Variants in LRRC49 observed in about 807,000 individuals in gnomAD.
LRRC49 encodes leucine-rich repeat-containing protein 49.
LRRC49 carries 50 observed loss-of-function variants against 83.3 expected under a neutral mutation model. That is an observed-to-expected ratio of 0.60 (90% CI 0.48 to 0.76). The LOEUF is 0.76. Among genes scored for constraint, LRRC49 ranks in the 30% least tolerant of loss-of-function variants. The pLI, the probability that LRRC49 is intolerant of heterozygous loss-of-function variation, is 0.00. For synonymous variants in LRRC49, 286 were observed against 283.3 expected (o/e 1.01, Z -0.10); for missense variants, 704 against 809.1 (o/e 0.87, Z 1.58).
rs765072467 is a variant in LRRC49 at position 71,050,635 on chromosome 15, C to T, written c.*1023C>T. The stretch of plus-strand genomic sequence containing the variant: ...GCAGGACCACCAGGATATGGGAAAA[C>T]AGGACTAGAAGATGTACGACAGCAA... On this transcript the variant is annotated 3_prime_UTR_variant, in exon 16 of 16. Coordinates refer to ENST00000260382, the MANE Select transcript of LRRC49 (RefSeq NM_017691.5). The T allele has an allele frequency of 3.3e-5, 5 of 151,966 alleles. No individual in the cohort carries two copies. The highest frequency in any genetic ancestry group is 7.4e-5 in the Non-Finnish European group (5 of 67,982). The allele number at this position is 151,966 out of a possible 1,614,324, so 9.4% of individuals were successfully genotyped here.
intron 2 of LRRC49, chr15:70,895,445 G>A (rs1528827): frequency 0.44 from 67,544 of 153,850 alleles, 15,284 homozygotes; most frequent in East Asian, 0.6. Context: ...TGGTGAGAGC[G>A]TGGAGGGATT....
intron 4 of LRRC49, among the ~76,000 whole-genome samples, chr15:70,902,107 G>A (rs1026258834): frequency 6.6e-6 from 1 of 152,094 alleles, no homozygotes; most frequent in South Asian, 2.1e-4. Context: ...ACATCTTTGC[G>A]GTATAAGTGG....
intron 11 of LRRC49, among the ~76,000 whole-genome samples, chr15:71,000,839 A>AT (rs1163496140): frequency 2.0e-5 from 3 of 149,084 alleles, no homozygotes; most frequent in African/African-American, 4.9e-5. Context: ...GTAGCCTTTG[A>AT]TTTTTTTCTT....
intron 14 of LRRC49, among the ~76,000 whole-genome samples, chr15:71,033,241 A>G (rs2039414820): frequency 6.6e-6 from 1 of 152,190 alleles, no homozygotes; most frequent in African/African-American, 2.4e-5. Flanking sequence ...GACCCAAATC[A>G]TGAATGGACT....
rs373820806 is a variant in LRRC49 at position 70,990,308 on chromosome 15, C to T, written c.1169+6051C>T. Among the ~76,000 whole-genome samples, 9 of 152,210 alleles carry T rather than the reference C, an allele frequency of 5.9e-5. No homozygotes were observed. The East Asian group carries it at 1.2e-3, about 20-fold the overall frequency. ...CCACTCAGTTGGAGCTTCCTGGCTG[C>T]TGTGTTTACCTAAGCAAGCCTGGGC... On this transcript the variant is annotated intron_variant, in intron 11 of 15. Transcript: ENST00000260382.
intron 14 of LRRC49, among the ~76,000 whole-genome samples, chr15:71,032,328 A>G (rs569344444): frequency 8.8e-4 from 134 of 151,814 alleles, no homozygotes; most frequent in Middle Eastern, 6.8e-3. Context: ...ACCAGTCCCA[A>G]TGAGATGAAC....
chr15:70,924,428 G>C (rs1008726782), intron 7 of LRRC49, among the ~76,000 whole-genome samples: 1 of 151,594 alleles, frequency 6.6e-6, no homozygotes, highest in African/African-American at 2.4e-5. Flanking sequence ...TGTTTTCTCT[G>C]TTCTTTCTTA....
At chr15:70,950,215 G>A (rs2036168745) in intron 8 of LRRC49, among the ~76,000 whole-genome samples, 1 of 152,120 alleles carries the variant, frequency 6.6e-6, no homozygotes. Context: ...CATCGATGAT[G>A]GACATCTTGG....
intron 1 of LRRC49, among the ~76,000 whole-genome samples, chr15:70,872,382 G>T (rs1048635463): frequency 1.3e-5 from 2 of 151,710 alleles, no homozygotes; most frequent in Admixed American, 6.6e-5. Context: ...GAGGGAGACC[G>T]CGGAAAGTGG....
intron 6 of LRRC49, among the ~76,000 whole-genome samples, chr15:70,914,947 A>G (rs1278824383): frequency 6.6e-6 from 1 of 152,194 alleles, no homozygotes. Context: ...GCTTTCCTAG[A>G]TGTATTAAGA....
rs577139139 is a variant in LRRC49, at chr15:70,989,028, C to G, written c.1169+4771C>G. ...TCTGCTGTTAGTCTGATGGGCTTCC[C>G]TTTGTGGGTAACCTGACCTTTCTCT... On this transcript the variant is annotated intron_variant, in intron 11 of 15. Transcript: ENST00000260382. Among the ~76,000 whole-genome samples, 3 of 152,308 alleles carry G rather than the reference C, an allele frequency of 2.0e-5. No homozygotes were observed. In the East Asian group the frequency reaches 5.8e-4, roughly 29 times the overall value.
intron 5 of LRRC49, among the ~76,000 whole-genome samples, chr15:70,910,207 G>T (rs1248325838): frequency 1.3e-5 from 2 of 152,102 alleles, no homozygotes; most frequent in African/African-American, 4.8e-5. Flanking sequence ...GGGCATATGA[G>T]AAATATTTTT....
chr15:70,895,836 T>C lies in LRRC49; in HGVS notation c.106-13T>C. The C allele has an allele frequency of 2.6e-6, 4 of 1,562,906 alleles. No individual in the cohort carries two copies. In the South Asian group the frequency reaches 4.6e-5, roughly 18 times the overall value. ...TGTCTCCAAATATTTTTTTCTTTAA[T>C]AATGTTTTTCAGGTTGAATTCAAGC... On this transcript the variant is annotated splice_polypyrimidine_tract_variant and intron_variant, in intron 2 of 15. Coordinates refer to ENST00000260382, the MANE Select transcript of LRRC49 (RefSeq NM_017691.5).
At chr15:70,980,717 T>G in intron 10 of LRRC49, among the ~76,000 whole-genome samples, 1 of 152,274 alleles carries the variant, frequency 6.6e-6, no homozygotes, top group South Asian at 2.1e-4. Flanking sequence ...AATAAAATAT[T>G]CTCTTTTAAA....
intron 5 of LRRC49, among the ~76,000 whole-genome samples, chr15:70,905,828 C>T (rs2034282713): frequency 1.3e-5 from 2 of 152,132 alleles, no homozygotes; most frequent in Non-Finnish European, 2.9e-5. Context: ...TTGCTTCCTT[C>T]CATGAGCGTC....
intron 1 of LRRC49, among the ~76,000 whole-genome samples, chr15:70,865,727 A>T (rs1283844309): frequency 1.3e-5 from 2 of 152,196 alleles, no homozygotes; most frequent in East Asian, 3.8e-4. Context: ...CAAGAAGTAT[A>T]ACCTACCTGT....
chr15:71,001,325 A>G (rs117225836), intron 11 of LRRC49, among the ~76,000 whole-genome samples: 2,184 of 152,246 alleles, frequency 0.014, 30 homozygotes, highest in Middle Eastern at 0.048. Flanking sequence ...GTTGGCAGTG[A>G]GAGAAGTAGG....
intron 11 of LRRC49, among the ~76,000 whole-genome samples, chr15:71,000,217 T>C (rs1297349280): frequency 6.6e-6 from 1 of 152,260 alleles, no homozygotes; most frequent in Non-Finnish European, 1.5e-5. Flanking sequence ...TGATTTTGTT[T>C]TTGGGGTTTT....
chr15:71,006,879 T>G (rs2038476796), intron 11 of LRRC49, among the ~76,000 whole-genome samples: 1 of 152,092 alleles, frequency 6.6e-6, no homozygotes. Context: ...CAATGAGATA[T>G]AATCTAACTC....
Sources: gnomAD v4.1 joint callset for allele counts (sites outside exome capture counted in the v4.1 genomes callset) on GRCh38, gnomAD v4.1.1 for gene constraint, MANE v1.5 for transcripts, NCBI Gene and HGNC (gene_info 2026-07-23, HGNC 2026-07-21) for gene names.